SLC25A21: variants seen among roughly 807,000 people sequenced by gnomAD.
The protein encoded by SLC25A21 is solute carrier family 25 member 21, also known as mitochondrial 2-oxodicarboxylate carrier.
A neutral mutation model predicts 43.8 loss-of-function variants in SLC25A21; 47 were observed. The observed-to-expected ratio is 1.07, with a 90% confidence interval of 0.85 to 1.37. The LOEUF (loss-of-function observed/expected upper bound fraction) is 1.37. Ranked by LOEUF, SLC25A21 falls within the 40% of genes most tolerant of loss-of-function variation. SLC25A21 has a pLI of 0.00. For synonymous variants in SLC25A21, 131 were observed against 121.3 expected (o/e 1.08, Z -0.52); for missense variants, 352 against 350.2 (o/e 1.00, Z -0.04).
At chr14:36,811,514 G>T (rs573996310) in intron 3 of SLC25A21, among the ~76,000 whole-genome samples, 1 of 152,182 alleles carries the variant, frequency 6.6e-6, no homozygotes, top group South Asian at 2.1e-4. Flanking sequence ...AGCCAGGTGT[G>T]GTGGTGGGCA....
At chr14:36,825,657 T>A (rs549929960) in intron 2 of SLC25A21, among the ~76,000 whole-genome samples, 1 of 152,360 alleles carries the variant, frequency 6.6e-6, no homozygotes, top group African/African-American at 2.4e-5. Flanking sequence ...ATGTTAACTT[T>A]GCATTTTAAA....
At chr14:36,906,397 A>G (rs1891534557) in intron 1 of SLC25A21, among the ~76,000 whole-genome samples, 1 of 152,174 alleles carries the variant, frequency 6.6e-6, no homozygotes, top group Non-Finnish European at 1.5e-5. Context: ...ATGGTAGGGA[A>G]AAAAGCAGCA....
At chr14:37,159,134 A>G (rs1963897440) in intron 1 of SLC25A21, among the ~76,000 whole-genome samples, 1 of 152,164 alleles carries the variant, frequency 6.6e-6, no homozygotes, top group Non-Finnish European at 1.5e-5. Flanking sequence ...AGAAGAATTA[A>G]TAACAATAAA....
intron 2 of SLC25A21, among the ~76,000 whole-genome samples, chr14:36,827,115 C>T (rs942281709): frequency 6.6e-6 from 1 of 152,140 alleles, no homozygotes; most frequent in East Asian, 1.9e-4. Flanking sequence ...AATAAAATGC[C>T]CTTCTGTGCT....
intron 2 of SLC25A21, among the ~76,000 whole-genome samples, chr14:36,863,396 A>G (rs1466428548): frequency 6.6e-6 from 1 of 150,638 alleles, no homozygotes; most frequent in African/African-American, 2.5e-5. Flanking sequence ...CTTCATTTTT[A>G]AAATTTAGAC....
chr14:37,142,599 C>A (rs1450175210), intron 1 of SLC25A21, among the ~76,000 whole-genome samples: 3 of 152,120 alleles, frequency 2.0e-5, no homozygotes, highest in African/African-American at 7.2e-5. Flanking sequence ...TGGGCTCAAG[C>A]AATCCTCCCG....
chr14:36,827,275 CTG>C (rs1336672799), intron 2 of SLC25A21, among the ~76,000 whole-genome samples: 2 of 152,154 alleles, frequency 1.3e-5, no homozygotes, highest in Non-Finnish European at 2.9e-5. Flanking sequence ...GACAGAATCA[CTG>C]TGGTTTTTCT....
In SLC25A21 at chr14:36,831,021, T is replaced by C. The variant is rs115475736; in HGVS notation, c.120-17020A>G. Among the ~76,000 whole-genome samples, 1,025 of 152,304 alleles carry C rather than the reference T, an allele frequency of 6.7e-3. 4 individuals carry two copies. Among genetic ancestry groups the C allele is most frequent in the African/African-American group, 0.023 (959 of 41,562 alleles). On this transcript the variant is annotated intron_variant, in intron 2 of 9. Transcript: ENST00000331299. ...TATTTACCCAGATTTCTAGCAGATA[T>C]GTAGATAGCAATTTATATTTGTTTT...
chr14:37,048,477 T>TA (rs201028988), intron 1 of SLC25A21, among the ~76,000 whole-genome samples: 20,504 of 145,460 alleles, frequency 0.14, 1,610 homozygotes, highest in South Asian at 0.34. Context: ...GTTTTGCAGT[T>TA]AAAAAAAAAA....
At chr14:37,098,215 T>C (rs1049734345) in intron 1 of SLC25A21, 5 of 152,212 alleles carry the variant, frequency 3.3e-5, no homozygotes, top group Non-Finnish European at 7.3e-5. Flanking sequence ...AATGTCTTTC[T>C]CTACTGTCAT....
chr14:36,842,853 C>T (rs780125978), intron 2 of SLC25A21, among the ~76,000 whole-genome samples: 7 of 152,040 alleles, frequency 4.6e-5, no homozygotes, highest in Non-Finnish European at 7.4e-5. Context: ...TGGCAGCGGT[C>T]CCAAAACTTT....
At chr14:36,795,401 T>C (rs1887638598) in intron 3 of SLC25A21, among the ~76,000 whole-genome samples, 1 of 152,192 alleles carries the variant, frequency 6.6e-6, no homozygotes, top group South Asian at 2.1e-4. Context: ...TCCAGCTTGT[T>C]TGAGATGAGA....
chr14:37,169,837 A>G (rs1964092134), intron 1 of SLC25A21, among the ~76,000 whole-genome samples: 1 of 152,142 alleles, frequency 6.6e-6, no homozygotes, highest in South Asian at 2.1e-4. Context: ...TTTTACTATT[A>G]TGAAAGTATA....
At chr14:37,116,508 T>C (rs1963109180) in intron 1 of SLC25A21, among the ~76,000 whole-genome samples, 1 of 152,160 alleles carries the variant, frequency 6.6e-6, no homozygotes, top group African/African-American at 2.4e-5. Context: ...CATATCCTTT[T>C]AATAAAAAAT....
chr14:36,968,584 G>A (rs1459727819), intron 1 of SLC25A21, among the ~76,000 whole-genome samples: 2 of 152,144 alleles, frequency 1.3e-5, no homozygotes, highest in Non-Finnish European at 2.9e-5. Flanking sequence ...CACAGAGAGT[G>A]GCTTTGAAGC....
intron 1 of SLC25A21, among the ~76,000 whole-genome samples, chr14:37,063,916 T>G (rs911180923): frequency 1.1e-4 from 16 of 152,182 alleles, no homozygotes; most frequent in African/African-American, 3.9e-4. Flanking sequence ...CCACCACCCC[T>G]TGTGCCATTG....
intron 1 of SLC25A21, among the ~76,000 whole-genome samples, chr14:36,898,578 C>G (rs1305186357): frequency 6.6e-6 from 1 of 152,172 alleles, no homozygotes; most frequent in Non-Finnish European, 1.5e-5. Flanking sequence ...TGAGATGAAC[C>G]TGGTACCTCA....
At chr14:36,730,094 A>G (rs1250814241) in intron 4 of SLC25A21, among the ~76,000 whole-genome samples, 1 of 152,320 alleles carries the variant, frequency 6.6e-6, no homozygotes, top group South Asian at 2.1e-4. Context: ...GAAGGACTCA[A>G]TGAGGTTATC....
chr14:36,697,034 C>T (rs1326226448), intron 7 of SLC25A21, among the ~76,000 whole-genome samples: 3 of 152,116 alleles, frequency 2.0e-5, no homozygotes, highest in Non-Finnish European at 4.4e-5. Context: ...CCTGCTTTCT[C>T]TTGTGGGCAT....
Sources: allele counts gnomAD v4.1 joint callset (sites outside exome capture counted in the v4.1 genomes callset), GRCh38; gene constraint gnomAD v4.1.1; transcripts MANE v1.5; gene names NCBI Gene and HGNC (gene_info 2026-07-23, HGNC 2026-07-21).